NLRP9: variants seen among roughly 807,000 people sequenced by gnomAD.
NLRP9 encodes the protein NLR family pyrin domain containing 9.
A neutral mutation model predicts 83.1 loss-of-function variants in NLRP9; 88 were observed. That is an observed-to-expected ratio of 1.06 (90% confidence interval 0.89 to 1.26). The LOEUF is 1.26. Among genes scored for constraint, NLRP9 ranks in the 50% most tolerant of loss-of-function variants. NLRP9 has a pLI of 0.00. For synonymous variants in NLRP9, 521 were observed against 447.6 expected (o/e 1.16, Z -2.07); for missense variants, 1,308 against 1,179.3 (o/e 1.11, Z -1.60).
chr19:55,712,113 C>CCTGGGGGA (rs1000342224), intron 7 of NLRP9, 143 bp from the exon 8 acceptor site: 9 of 826,374 alleles, frequency 1.1e-5, no homozygotes, highest in African/African-American at 1.0e-4. Flanking sequence ...CGATTGTGCT[C>CCTGGGGGA]CTGGGGGACG....
intron 8 of NLRP9, 96 bp downstream of exon 8, chr19:55,711,704 C>G: frequency 4.0e-6 from 5 of 1,260,786 alleles, no homozygotes; most frequent in Non-Finnish European, 4.5e-6. Flanking sequence ...AAACAACCCT[C>G]CAGCCTGGCA....
chr19:55,731,444 C>A (rs1250625533), intron 2 of NLRP9, among the ~76,000 whole-genome samples: 1 of 151,700 alleles, frequency 6.6e-6, no homozygotes, highest in Non-Finnish European at 1.5e-5. Flanking sequence ...GCAAGCAAGG[C>A]CAGGCGCGGT....
chr19:55,710,228 A>G (rs1336455840), intron 8 of NLRP9, among the ~76,000 whole-genome samples: 3 of 152,060 alleles, frequency 2.0e-5, no homozygotes, highest in East Asian at 3.8e-4. Flanking sequence ...TATTATTATT[A>G]TTTTATAATG....
In NLRP9 at chr19:55,709,133, C is replaced by T. The variant is rs1987591386; in HGVS notation, c.2844-89G>A. ...CATTCTGATGTCTACCTCTCCTCTC[C>T]TCTTTATTCTTTCCTAGAAATCACT... On this transcript the variant is annotated intron_variant, in intron 8 of 8. Transcript: ENST00000332836. The T allele has an allele frequency of 7.0e-6, 6 of 861,308 alleles. No homozygotes were observed. The South Asian group carries it at 1.3e-4, about 18-fold the overall frequency. The allele number at this position is 861,308 out of a possible 1,614,324, so 53.4% of individuals were successfully genotyped here. A position where few individuals can be genotyped will look rare whatever the true frequency, so the allele number is the denominator to read the frequency against.
rs761831252 is a variant in NLRP9 at position 55,732,434 on chromosome 19, G to C, written c.1397C>G (p.Pro466Arg). The C allele has an allele frequency of 3.1e-6, 5 of 1,614,106 alleles. No homozygotes were observed. In the African/African-American group the frequency reaches 6.7e-5, roughly 22 times the overall value. ...FYLLKRPKDD[P>R]NPAIGSITQL... ...GGTTATGCTTCCAATGGCCGGGTTAGGATCGTCTTTGGGTCGTTTGAGCAA... is the reference window on the plus strand; with the variant it reads ...GGTTATGCTTCCAATGGCCGGGTTACGATCGTCTTTGGGTCGTTTGAGCAA... The change falls in exon 2 of 9, where the codon CCT (proline) becomes CGT (arginine). Residue 466 changes from proline (P) to arginine (R), a missense_variant. Transcript: ENST00000332836.
In NLRP9 at chr19:55,724,128, A is replaced by G. The variant is rs747871591; in HGVS notation, c.2011T>C (p.Phe671Leu). 1.2e-6 allele frequency: 2 copies of G among 1,607,474 alleles called. No individual in the cohort carries two copies. Among genetic ancestry groups the G allele is most frequent in the Admixed American group, 3.4e-5 (2 of 58,548 alleles). ...TTAAATAATTCTGAATCATGTCCAA[A>G]GTACACAGAAGTAAATCTGCAAAAG... ...LRKLIFTSVY[F>L]GHDSELFKAV... The change falls in exon 4 of 9, where the codon TTT becomes CTT. Residue 671 changes from phenylalanine to leucine, a missense_variant. Phe to Leu is a conservative substitution (Grantham distance 22). Coordinates refer to ENST00000332836, the MANE Select transcript of NLRP9 (RefSeq NM_176820.4).
At chr19:55,717,872 G>A (rs770919345) in intron 4 of NLRP9, among the ~76,000 whole-genome samples, 13 of 152,306 alleles carry the variant, frequency 8.5e-5, no homozygotes, top group Middle Eastern at 3.4e-3. Flanking sequence ...CACACGCCAC[G>A]CCCCAGCTCC....
At chr19:55,728,436 G>A (rs894775358) in intron 3 of NLRP9, among the ~76,000 whole-genome samples, 14 of 152,230 alleles carry the variant, frequency 9.2e-5, no homozygotes, top group East Asian at 1.9e-4. Context: ...GCCAGGCGTC[G>A]TGGTGCATGC....
chr19:55,715,110 C>T lies in NLRP9; in HGVS notation c.2446G>A (p.Val816Met), dbSNP rs1340913084. ...LGSNALEDNG[V>M]ASLCAALKHP... The stretch of plus-strand genomic sequence containing the variant: ...TTCAGCGCTGCACACAGAGATGCCA[C>T]TCCATTATCTTCCAGGGCATTTGAG... Residue 816 changes from valine to methionine, a missense_variant, in exon 6 of 9, where the codon GTG becomes ATG. Transcript: ENST00000332836. The T allele has an allele frequency of 3.1e-6, 5 of 1,613,146 alleles. No individual in the cohort carries two copies. The highest frequency in any genetic ancestry group is 2.5e-6 in the Non-Finnish European group (3 of 1,179,866).
At chr19:55,722,912 C>G (rs538145257) in intron 4 of NLRP9, among the ~76,000 whole-genome samples, 84 of 152,084 alleles carry the variant, frequency 5.5e-4, no homozygotes, top group Non-Finnish European at 1.0e-3. Context: ...AAACCAAACA[C>G]TGCCTGTTCT....
At chr19:55,724,823 C>T (rs1988350586) in intron 3 of NLRP9, among the ~76,000 whole-genome samples, 1 of 152,036 alleles carries the variant, frequency 6.6e-6, no homozygotes, top group South Asian at 2.1e-4. Context: ...TTTGGGAGGC[C>T]AAGGCAGGCA....
chr19:55,729,777 A>G (rs1988516378), intron 3 of NLRP9, 54 bp downstream of exon 3: 1 of 1,477,004 alleles, frequency 6.8e-7, no homozygotes, highest in Non-Finnish European at 9.3e-7. Context: ...AGGCCACAGT[A>G]GAGAGAAGGA....
At chr19:55,709,701 T>C (rs763836884) in intron 8 of NLRP9, 10 of 152,214 alleles carry the variant, frequency 6.6e-5, no homozygotes, top group Non-Finnish European at 1.3e-4. Flanking sequence ...AATTACACTT[T>C]CTTGTTTATT....
At chr19:55,711,103 C>CA (rs1399591300) in intron 8 of NLRP9, among the ~76,000 whole-genome samples, 27 of 122,254 alleles carry the variant, frequency 2.2e-4, no homozygotes, top group African/African-American at 3.8e-4. Context: ...CAAAACAAAA[C>CA]AAAACAAAAA....
At chr19:55,735,131 G>T (rs1397909709) in intron 1 of NLRP9, among the ~76,000 whole-genome samples, 1 of 152,202 alleles carries the variant, frequency 6.6e-6, no homozygotes, top group African/African-American at 2.4e-5. Context: ...TCCACCGATG[G>T]TCTGTGCTCT....
chr19:55,728,730 C>T (rs1988473714), intron 3 of NLRP9, among the ~76,000 whole-genome samples: 1 of 152,192 alleles, frequency 6.6e-6, no homozygotes, highest in African/African-American at 2.4e-5. Flanking sequence ...AACGCAATAA[C>T]TCTTACCAAA....
At chr19:55,725,008 G>A (rs1188607056) in intron 3 of NLRP9, among the ~76,000 whole-genome samples, 1 of 152,026 alleles carries the variant, frequency 6.6e-6, no homozygotes, top group Non-Finnish European at 1.5e-5. Context: ...GCAGTGAGCC[G>A]AGATGGTGCC....
chr19:55,715,850 A>G (rs1287850768), intron 5 of NLRP9, among the ~76,000 whole-genome samples: 1 of 152,242 alleles, frequency 6.6e-6, no homozygotes, highest in East Asian at 1.9e-4. Flanking sequence ...AACAGAGTAT[A>G]CATATGGCTT....
chr19:55,712,109 T>C, intron 7 of NLRP9, 139 bp from the exon 8 acceptor site: 2 of 844,552 alleles, frequency 2.4e-6, no homozygotes, highest in Non-Finnish European at 3.7e-6. Context: ...AGGACGATTG[T>C]GCTCCTGGGG....
Sources: allele counts gnomAD v4.1 joint callset (sites outside exome capture counted in the v4.1 genomes callset), GRCh38; gene constraint gnomAD v4.1.1; transcripts MANE v1.5; gene names NCBI Gene and HGNC (gene_info 2026-07-23, HGNC 2026-07-21).